The following DGLUCY variants were observed in gnomAD, a reference collection of about 807,000 sequenced individuals.
DGLUCY encodes D-glutamate cyclase, mitochondrial.
Under a neutral mutation model 58.5 loss-of-function variants are expected in DGLUCY, and 58 were observed. The ratio of observed to expected loss-of-function variants is 0.99; its 90% CI spans 0.80 to 1.23. The LOEUF (loss-of-function observed/expected upper bound fraction) is 1.23, where lower values mean the gene tolerates loss of function less well. Among genes scored for constraint, DGLUCY ranks in the 50% most tolerant of loss-of-function variants. DGLUCY has a pLI of 0.00. For synonymous variants in DGLUCY, 325 were observed against 314.1 expected, an observed-to-expected ratio of 1.03 and a Z score of -0.37; for missense variants, 779 against 784.7, an observed-to-expected ratio of 0.99 and a Z score of 0.09.
intron 1 of DGLUCY, among the ~76,000 whole-genome samples, chr14:91,062,710 G>A (rs1595596873): frequency 6.6e-6 from 1 of 150,952 alleles, no homozygotes; most frequent in Admixed American, 6.6e-5. Flanking sequence ...TGCTGTGAAA[G>A]ACAAAACACA....
intron 1 of DGLUCY, among the ~76,000 whole-genome samples, chr14:91,154,544 C>A (rs1397921366): frequency 1.3e-5 from 2 of 152,186 alleles, no homozygotes; most frequent in Non-Finnish European, 2.9e-5. Flanking sequence ...ACAAGGAATT[C>A]ATCTTTTAGC....
intron 1 of DGLUCY, among the ~76,000 whole-genome samples, chr14:91,076,513 A>G (rs745650891): frequency 1.3e-5 from 2 of 152,102 alleles, no homozygotes; most frequent in Non-Finnish European, 2.9e-5. Flanking sequence ...CAGATGTAGA[A>G]GCCATAGATA....
intron 1 of DGLUCY, among the ~76,000 whole-genome samples, chr14:91,092,886 C>A (rs2044336136): frequency 2.0e-5 from 3 of 152,072 alleles, no homozygotes; most frequent in Non-Finnish European, 4.4e-5. Context: ...GAGTTCAAGA[C>A]CAGCCTGGCC....
At chr14:91,065,178 A>G (rs2043800298) in intron 1 of DGLUCY, among the ~76,000 whole-genome samples, 1 of 152,156 alleles carries the variant, frequency 6.6e-6, no homozygotes, top group Non-Finnish European at 1.5e-5. Flanking sequence ...AACAGGTTGG[A>G]ACAGCCACTA....
intron 1 of DGLUCY, among the ~76,000 whole-genome samples, chr14:91,151,098 T>G (rs898356142): frequency 1.3e-5 from 2 of 152,286 alleles, no homozygotes; most frequent in African/African-American, 4.8e-5. Context: ...TATTTCAGTT[T>G]GCATAACGTG....
chr14:91,217,260 C>A (rs1886677870), intron 13 of DGLUCY, among the ~76,000 whole-genome samples: 1 of 151,938 alleles, frequency 6.6e-6, no homozygotes, highest in Admixed American at 6.6e-5. Context: ...GAGCAGACAG[C>A]AGCCTGAGGG....
intron 1 of DGLUCY, among the ~76,000 whole-genome samples, chr14:91,140,867 G>A (rs187983680): frequency 4.6e-5 from 7 of 152,114 alleles, no homozygotes; most frequent in Non-Finnish European, 1.0e-4. Context: ...TTAGACTCAG[G>A]CTCTCTCTTG....
chr14:91,109,597 T>C (rs1595655489), upstream of DGLUCY, among the ~76,000 whole-genome samples: 1 of 152,234 alleles, frequency 6.6e-6, no homozygotes, highest in East Asian at 1.9e-4. Context: ...CATATGGTGG[T>C]TGGGTTCTGA....
At chr14:91,223,943 A>G (rs75775892) in intron 13 of DGLUCY, 13,923 of 248,682 alleles carry the variant, frequency 0.056, 561 homozygotes, top group Non-Finnish European at 0.082. Context: ...CTGATCCCCA[A>G]ACCACTCTGC....
chr14:91,181,965 T>TTTTATTTATTTATTTA (rs375449442), intron 8 of DGLUCY, among the ~76,000 whole-genome samples: 2,559 of 148,790 alleles, frequency 0.017, 98 homozygotes, highest in African/African-American at 0.06. Flanking sequence ...CTTTATGGCT[T>TTTTATTTATTTATTTA]TTTATTTATT....
chr14:91,204,526 C>T (rs1884194481), intron 11 of DGLUCY, among the ~76,000 whole-genome samples, 180 bp from the exon 12 acceptor site: 1 of 152,178 alleles, frequency 6.6e-6, no homozygotes, highest in Non-Finnish European at 1.5e-5. Context: ...TCATTTTTAA[C>T]TAAAGAAGTT....
intron 1 of DGLUCY, among the ~76,000 whole-genome samples, chr14:91,130,678 C>T (rs1485711873): frequency 2.0e-5 from 3 of 151,364 alleles, no homozygotes; most frequent in East Asian, 2.0e-4. Context: ...GGAGTGCAGT[C>T]GTGCAGTCAC....
intron 8 of DGLUCY, among the ~76,000 whole-genome samples, chr14:91,188,351 C>T (rs946140340): frequency 1.6e-4 from 24 of 152,244 alleles, no homozygotes; most frequent in African/African-American, 5.8e-4. Context: ...CTCGCGGCCA[C>T]ACCAGACTGA....
intron 1 of DGLUCY, among the ~76,000 whole-genome samples, chr14:91,130,594 C>G (rs1270729508): frequency 6.6e-6 from 1 of 152,028 alleles, no homozygotes; most frequent in Non-Finnish European, 1.5e-5. Flanking sequence ...GTGTGAGCCA[C>G]CACACCTGGC....
chr14:91,187,899 C>T (rs1000754521), intron 8 of DGLUCY, among the ~76,000 whole-genome samples: 3 of 152,086 alleles, frequency 2.0e-5, no homozygotes, highest in African/African-American at 7.2e-5. Context: ...CTGGGATCAC[C>T]TCCCACTGAA....
intron 9 of DGLUCY, among the ~76,000 whole-genome samples, chr14:91,193,046 A>C (rs1421549563): frequency 4.6e-5 from 7 of 152,152 alleles, no homozygotes; most frequent in Non-Finnish European, 1.0e-4. Flanking sequence ...GGGTGAGAGC[A>C]CTGTGGAAAT....
At chr14:91,174,264 C>CTG (rs1270447074) in intron 6 of DGLUCY, among the ~76,000 whole-genome samples, 11 of 151,452 alleles carry the variant, frequency 7.3e-5, no homozygotes, top group Non-Finnish European at 1.3e-4. Context: ...GCATCTCTAT[C>CTG]TGTATCCTTT....
intron 1 of DGLUCY, among the ~76,000 whole-genome samples, chr14:91,139,730 A>C (rs768902956): frequency 6.6e-6 from 1 of 152,254 alleles, no homozygotes; most frequent in Non-Finnish European, 1.5e-5. Context: ...CCTGTGATAC[A>C]ATCAAGGTGA....
chr14:91,181,974 T>TTTAA (rs2049205871), intron 8 of DGLUCY, among the ~76,000 whole-genome samples: 1 of 151,062 alleles, frequency 6.6e-6, no homozygotes, highest in Admixed American at 6.6e-5. Flanking sequence ...TTTTTATTTA[T>TTTAA]TTATTTATTT....
Sources: gnomAD v4.1 joint callset for allele counts (sites outside exome capture counted in the v4.1 genomes callset) on GRCh38, gnomAD v4.1.1 for gene constraint, MANE v1.5 for transcripts, NCBI Gene and HGNC (gene_info 2026-07-23, HGNC 2026-07-21) for gene names.